CYREN: variants seen among roughly 807,000 people sequenced by gnomAD.
The protein encoded by CYREN is cell cycle regulator of non-homologous end joining.
Under a neutral mutation model 9.7 loss-of-function variants are expected in CYREN, and 7 were observed. That is an observed-to-expected ratio of 0.72 (90% CI 0.41 to 1.36). The LOEUF is 1.36. Ranked by LOEUF, CYREN falls within the 40% of genes most tolerant of loss-of-function variation. CYREN has a pLI of 0.01. For missense variants in CYREN, 215 were observed against 198.1 expected (o/e 1.09, Z -0.51); for synonymous variants, 76 against 77.9 (o/e 0.98, Z 0.13).
At chr7:135,144,405 T>G (rs1407124894) in intron 2 of CYREN, among the ~76,000 whole-genome samples, 1 of 152,094 alleles carries the variant, frequency 6.6e-6, no homozygotes, top group African/African-American at 2.4e-5. Context: ...TCAAGTAAAC[T>G]GACTTGTTTG....
At chr7:135,132,910 T>G (rs907455397) in intron 2 of CYREN, among the ~76,000 whole-genome samples, 1 of 152,210 alleles carries the variant, frequency 6.6e-6, no homozygotes, top group South Asian at 2.1e-4. Flanking sequence ...CTATTGAACA[T>G]TGTGCTAGAA....
chr7:135,114,039 C>T (rs1447287233), intron 2 of CYREN, among the ~76,000 whole-genome samples: 1 of 152,094 alleles, frequency 6.6e-6, no homozygotes, highest in Non-Finnish European at 1.5e-5. Flanking sequence ...TATTTCCTTC[C>T]TTTTTAAGAC....
chr7:135,161,946 G>A (rs190673489), downstream of CYREN, among the ~76,000 whole-genome samples: 20 of 152,322 alleles, frequency 1.3e-4, no homozygotes, highest in East Asian at 1.2e-3. The surrounding 1 kb of genome is among the most constrained non-coding windows in gnomAD (Gnocchi z 4.1). Context: ...GAGGGGAGGC[G>A]GTGGCAGTGT....
At chr7:135,133,670 G>GA (rs1829098544) in intron 2 of CYREN, among the ~76,000 whole-genome samples, 1 of 151,966 alleles carries the variant, frequency 6.6e-6, no homozygotes, top group Non-Finnish European at 1.5e-5. Context: ...ATTCAATGGA[G>GA]AAAAAAGAGA....
In CYREN at chr7:135,168,551, C is replaced by CT. The variant is rs1470798977; in HGVS notation, c.137+234dup. The CT allele has an allele frequency of 7.3e-6, 4 of 550,766 alleles. No individual in the cohort carries two copies. The African/African-American group carries it at 7.7e-5, about 11-fold the overall frequency. The allele number at this position is 550,766 out of a possible 1,614,324, so 34.1% of individuals were successfully genotyped here. The stretch of plus-strand genomic sequence containing the variant: ...ACATGGAGAACCCACTCTGTGTGTG[C>CT]TGAGGGCAGGGCACTCACCAGTGCA... On this transcript the variant is annotated intron_variant, in intron 2 of 3. Transcript: ENST00000393114.
chr7:135,106,403 A>G (rs1029535029), intron 2 of CYREN, among the ~76,000 whole-genome samples: 2 of 152,156 alleles, frequency 1.3e-5, no homozygotes, highest in Admixed American at 1.3e-4. Flanking sequence ...ATACTAGTTT[A>G]TTGAGAGTTT....
chr7:135,153,776 C>A (rs994063414), intron 2 of CYREN, among the ~76,000 whole-genome samples: 1 of 152,178 alleles, frequency 6.6e-6, no homozygotes, highest in Non-Finnish European at 1.5e-5. Flanking sequence ...CATCTACGTT[C>A]ACAGGGATAT....
chr7:135,103,432 T>G (rs541834918), intron 2 of CYREN, among the ~76,000 whole-genome samples: 2 of 152,228 alleles, frequency 1.3e-5, no homozygotes, highest in Admixed American at 1.3e-4. Context: ...CCCATATGAG[T>G]TAGAGTATAG....
At position 135,151,257 on chromosome 7, in the gene CYREN, GA is replaced by G. The variant is rs892306834; in HGVS notation, n.356+17491del. The stretch of plus-strand genomic sequence containing the variant: ...GAGCTGCCACCACCTACACACTGTT[GA>G]AAAACACTGCAGTAGCCCTGTTTTG... On this transcript the variant is annotated intron_variant and non_coding_transcript_variant, in intron 2 of 2. Coordinates refer to the CYREN transcript ENST00000459937. The surrounding 1 kb of genome is among the most constrained non-coding windows in gnomAD (Gnocchi z 4.3). Among the ~76,000 whole-genome samples, 11 of 152,326 alleles carry G rather than the reference GA, an allele frequency of 7.2e-5. No individual in the cohort carries two copies. Among genetic ancestry groups the G allele is most frequent in the Admixed American group, 3.3e-4 (5 of 15,294 alleles).
At chr7:135,153,456 C>CAAAAAAA (rs55776467) in intron 2 of CYREN, among the ~76,000 whole-genome samples, 4 of 81,352 alleles carry the variant, frequency 4.9e-5, no homozygotes, top group Admixed American at 1.5e-4. Flanking sequence ...TCCATCTCCA[C>CAAAAAAA]AAAAAAAAAA....
chr7:135,164,622 A>T, downstream of CYREN: 3 of 1,614,048 alleles, frequency 1.9e-6, no homozygotes, highest in South Asian at 3.3e-5. Context: ...GGACACCAGC[A>T]CCCTACAGTG....
rs1361293454 is a variant in CYREN, at chr7:135,151,387, G to A, written n.356+17362C>T. 6.6e-6 allele frequency among the ~76,000 whole-genome samples: 1 copy of A among 152,150 alleles called. No individual in the cohort carries two copies. The highest frequency in any genetic ancestry group is 1.9e-4 in the East Asian group (1 of 5,192). On this transcript the variant is annotated intron_variant and non_coding_transcript_variant, in intron 2 of 2. Coordinates refer to the CYREN transcript ENST00000459937. The surrounding 1 kb of genome is among the most constrained non-coding windows in gnomAD (Gnocchi z 4.3). ...TGTGACAGCCACACCTAAACCATGA[G>A]CACACTGATCTTCAATGTGTTCCAC...
Position 135,169,063 on chromosome 7 carries a change from AC to A in CYREN, c.-138-4del. On this transcript the variant is annotated splice_polypyrimidine_tract_variant and splice_region_variant and intron_variant, in intron 1 of 3. Coordinates refer to ENST00000393114, the MANE Select transcript of CYREN (RefSeq NM_024033.4). ...CAGTGGGAGTTGATCTTTGATTCCTACAAAGAACAATAAAGTCCGGTGAATT... is the reference window on the plus strand; with the variant it reads ...CAGTGGGAGTTGATCTTTGATTCCTAAAAGAACAATAAAGTCCGGTGAATT... 1 of 789,720 alleles carries A rather than the reference AC, an allele frequency of 1.3e-6. No homozygotes were observed. Among genetic ancestry groups the A allele is most frequent in the Non-Finnish European group, 2.0e-6 (1 of 510,834 alleles). The allele number at this position is 789,720 out of a possible 1,614,324, so 48.9% of individuals were successfully genotyped here.
At chr7:135,128,642 G>C (rs1263038358) in intron 2 of CYREN, 3 of 891,900 alleles carry the variant, frequency 3.4e-6, no homozygotes, top group South Asian at 1.4e-5. Context: ...CGTTTGCCTG[G>C]ATGCAATTTC....
chr7:135,151,520 T>C lies in CYREN; in HGVS notation n.356+17229A>G, dbSNP rs1219534191. Among the ~76,000 whole-genome samples, 2 of 152,138 alleles carry C rather than the reference T, an allele frequency of 1.3e-5. No homozygotes were observed. The highest frequency in any genetic ancestry group is 2.9e-5 in the Non-Finnish European group (2 of 68,016). ...CGGCTTTATTCTGCTAACATTTTCT[T>C]CCCAGTTCTCCTCTCTCCATTCAGG... On this transcript the variant is annotated intron_variant and non_coding_transcript_variant, in intron 2 of 2. Coordinates refer to the CYREN transcript ENST00000459937. This position sits in a 1 kb window ranked among gnomAD's most constrained non-coding sequence, Gnocchi z 4.3.
intron 2 of CYREN, among the ~76,000 whole-genome samples, chr7:135,110,356 G>A (rs1285343384): frequency 6.6e-6 from 1 of 152,196 alleles, no homozygotes; most frequent in Non-Finnish European, 1.5e-5. Flanking sequence ...CTTTGCTGGA[G>A]TTGCAGCCAC....
At chr7:135,121,503 T>G (rs535223701) in intron 2 of CYREN, among the ~76,000 whole-genome samples, 1 of 150,346 alleles carries the variant, frequency 6.7e-6, no homozygotes, top group African/African-American at 2.5e-5. Context: ...AAAGTGTATA[T>G]CTGACCACAA....
In CYREN at chr7:135,146,893, T is replaced by C. The variant is rs1437021713; in HGVS notation, n.356+21856A>G. Among the ~76,000 whole-genome samples, 3 of 152,318 alleles carry C rather than the reference T, an allele frequency of 2.0e-5. No individual in the cohort carries two copies. The East Asian group carries it at 5.8e-4, about 29-fold the overall frequency. On this transcript the variant is annotated intron_variant and non_coding_transcript_variant, in intron 2 of 2. Coordinates refer to the CYREN transcript ENST00000459937. The stretch of plus-strand genomic sequence containing the variant: ...GACTCTTTGAAAACTAGGTACATGA[T>C]AACCTTGAATAAATTTCATAAATAT...
chr7:135,128,500 G>A (rs568797639), intron 2 of CYREN: 44 of 757,446 alleles, frequency 5.8e-5, no homozygotes, highest in African/African-American at 5.0e-4. Context: ...GAGTATTTAC[G>A]ATGGAGATGA....
Sources: gnomAD v4.1 joint callset for allele counts (sites outside exome capture counted in the v4.1 genomes callset) on GRCh38, gnomAD v4.1.1 for gene constraint, Gnocchi (gnomAD v3.1) non-coding constraint, MANE v1.5 for transcripts, NCBI Gene and HGNC (gene_info 2026-07-23, HGNC 2026-07-21) for gene names.